HS6ST3: variants seen among roughly 807,000 people sequenced by gnomAD.
HS6ST3 encodes heparan sulfate 6-O-sulfotransferase 3.
In HS6ST3, 12 loss-of-function variants were observed where a neutral mutation model predicts 36.7. That is an observed-to-expected ratio of 0.33 (90% CI 0.21 to 0.53). The LOEUF is 0.53. Among genes scored for constraint, HS6ST3 ranks in the 20% least tolerant of loss-of-function variants. The pLI, the probability that HS6ST3 is intolerant of heterozygous loss-of-function variation, is 0.95. For missense variants in HS6ST3, 584 were observed against 640.9 expected (o/e 0.91, Z 0.96); for synonymous variants, 240 against 257.5 (o/e 0.93, Z 0.65).
intron 1 of HS6ST3, among the ~76,000 whole-genome samples, chr13:96,423,082 T>C (rs1448687951): frequency 6.6e-6 from 1 of 152,154 alleles, no homozygotes; most frequent in African/African-American, 2.4e-5. Context: ...CAGGAGCTCA[T>C]ATATTTCTAC....
At chr13:96,715,162 G>C (rs1308074902) in intron 1 of HS6ST3, among the ~76,000 whole-genome samples, 1 of 151,862 alleles carries the variant, frequency 6.6e-6, no homozygotes. Flanking sequence ...CATATATCAC[G>C]ATGGAAAAAT....
intron 1 of HS6ST3, among the ~76,000 whole-genome samples, chr13:96,640,797 C>G (rs1051089630): frequency 6.6e-6 from 1 of 151,966 alleles, no homozygotes; most frequent in African/African-American, 2.4e-5. Context: ...ATCCCAGCAC[C>G]ATTTATTGAA....
intron 1 of HS6ST3, among the ~76,000 whole-genome samples, chr13:96,757,395 G>T (rs187879213): frequency 1.3e-5 from 2 of 152,264 alleles, no homozygotes; most frequent in South Asian, 2.1e-4. Flanking sequence ...TCTAGTAGAG[G>T]TCTGTAGATC....
intron 1 of HS6ST3, among the ~76,000 whole-genome samples, chr13:96,538,471 TCTCA>T (rs2056164589): frequency 1.3e-5 from 2 of 152,258 alleles, no homozygotes; most frequent in South Asian, 4.1e-4. Context: ...TGAGACAGGG[TCTCA>T]CTCTGTCACC....
chr13:96,130,256 T>C (rs940791053), intron 1 of HS6ST3, among the ~76,000 whole-genome samples: 1 of 152,102 alleles, frequency 6.6e-6, no homozygotes, highest in African/African-American at 2.4e-5. Flanking sequence ...TGGCTTTGCT[T>C]TGGTTGAAAG....
intron 1 of HS6ST3, among the ~76,000 whole-genome samples, chr13:96,802,211 G>A (rs919003377): frequency 3.9e-5 from 6 of 152,028 alleles, no homozygotes; most frequent in African/African-American, 1.2e-4. Context: ...CATTGTTAAC[G>A]GCCTAGACCT....
chr13:96,701,437 C>T (rs1439979614), intron 1 of HS6ST3, among the ~76,000 whole-genome samples: 1 of 152,086 alleles, frequency 6.6e-6, no homozygotes, highest in East Asian at 1.9e-4. Context: ...TTTTAAATAA[C>T]TATTGGGAGT....
chr13:96,627,869 A>G (rs1043262267), intron 1 of HS6ST3, among the ~76,000 whole-genome samples: 3 of 151,800 alleles, frequency 2.0e-5, no homozygotes, highest in African/African-American at 4.8e-5. Context: ...ATCTGAAGTT[A>G]TATCTTCTTT....
intron 1 of HS6ST3, among the ~76,000 whole-genome samples, chr13:96,191,762 T>C (rs2054289577): frequency 6.6e-6 from 1 of 152,204 alleles, no homozygotes. Flanking sequence ...AATATATACA[T>C]GTAATTCAAA....
At chr13:96,239,055 T>TTCTGTATTCTGTTCTGAGTTCTGA (rs1454199988) in intron 1 of HS6ST3, among the ~76,000 whole-genome samples, 1 of 152,318 alleles carries the variant, frequency 6.6e-6, no homozygotes. Context: ...GAGGAAGGAA[T>TTCTGTATTCTGTTCTGAGTTCTGA]ACTCAGAGTT....
chr13:96,483,073 A>G (rs1405483467), intron 1 of HS6ST3, among the ~76,000 whole-genome samples: 1 of 152,216 alleles, frequency 6.6e-6, no homozygotes, highest in African/African-American at 2.4e-5. Context: ...CATCCTCATG[A>G]GCTTAGAGTC....
At chr13:96,615,961 T>C (rs575083251) in intron 1 of HS6ST3, among the ~76,000 whole-genome samples, 1 of 152,320 alleles carries the variant, frequency 6.6e-6, no homozygotes, top group East Asian at 1.9e-4. Context: ...CTACTAACAA[T>C]TTAGAGAAAG....
intron 1 of HS6ST3, among the ~76,000 whole-genome samples, chr13:96,544,089 C>T (rs1417153007): frequency 1.3e-5 from 2 of 152,074 alleles, no homozygotes; most frequent in Non-Finnish European, 2.9e-5. Flanking sequence ...CCTACATCCA[C>T]AGAATGGCAT....
intron 1 of HS6ST3, among the ~76,000 whole-genome samples, chr13:96,386,200 C>T (rs1184816538): frequency 2.6e-5 from 4 of 152,178 alleles, no homozygotes; most frequent in South Asian, 2.1e-4. Context: ...GATTGATTTG[C>T]GTAAATAAAT....
At chr13:96,519,282 G>T (rs2056084340) in intron 1 of HS6ST3, among the ~76,000 whole-genome samples, 2 of 152,182 alleles carry the variant, frequency 1.3e-5, no homozygotes, top group South Asian at 2.1e-4. Context: ...TGCCTACCAG[G>T]ATTGGTATCG....
At chr13:96,467,558 T>C (rs61967683) in intron 1 of HS6ST3, among the ~76,000 whole-genome samples, 7,134 of 152,262 alleles carry the variant, frequency 0.047, 402 homozygotes, top group African/African-American at 0.13. Context: ...TTCACATTAC[T>C]GAATGTACAA....
At chr13:96,494,271 T>C (rs2055961535) in intron 1 of HS6ST3, among the ~76,000 whole-genome samples, 1 of 151,842 alleles carries the variant, frequency 6.6e-6, no homozygotes, top group Admixed American at 6.6e-5. Flanking sequence ...GAAACCATCA[T>C]TCTCAGCAAA....
intron 1 of HS6ST3, among the ~76,000 whole-genome samples, chr13:96,260,229 C>CCCTTCCTTCCTTCCTT (rs71681344): frequency 3.3e-4 from 47 of 143,400 alleles, no homozygotes; most frequent in Non-Finnish European, 5.6e-4. Flanking sequence ...TTTATTTTTT[C>CCCTTCCTTCCTTCCTT]CCTTCCTTCC....
chr13:96,832,763 C>G lies in HS6ST3; in HGVS notation c.981C>G (p.Phe327Leu). The G allele has an allele frequency of 6.2e-7, 1 of 1,614,154 alleles. No individual in the cohort carries two copies. Residue 327 changes from phenylalanine (F) to leucine (L), a missense_variant, in exon 2 of 2, where the codon TTC becomes TTG. This residue lies in a region of HS6ST3 where 360 missense variants were observed against 411.3 expected (regional missense o/e 0.88). Transcript: ENST00000376705. ...TGGTGGGCTGCTATAACTTGACTTT[C>G]ATGAACGAGAGTGAAAGAAACACCA... is the stretch of plus-strand genomic sequence containing the variant. ...LSLVGCYNLTFMNESERNTIL... is the reference protein window; with the variant it reads ...LSLVGCYNLTLMNESERNTIL...
Sources: allele counts gnomAD v4.1 joint callset (sites outside exome capture counted in the v4.1 genomes callset), GRCh38; gene constraint gnomAD v4.1.1; regional missense constraint gnomAD v4.1.1; transcripts MANE v1.5; gene names NCBI Gene and HGNC (gene_info 2026-07-23, HGNC 2026-07-21).